The following BCAS3 variants were observed in gnomAD, a reference collection of about 807,000 sequenced individuals.
BCAS3 encodes the protein BCAS4/BCAS3 fusion.
In BCAS3, 53 loss-of-function variants were observed where a neutral mutation model predicts 116.1. The ratio of observed to expected loss-of-function variants is 0.46; its 90% CI spans 0.37 to 0.57. The LOEUF is 0.57. Ranked by LOEUF, BCAS3 falls within the 20% of genes least tolerant of loss-of-function variation. The pLI, the probability that BCAS3 is intolerant of heterozygous loss-of-function variation, is 0.00. For missense variants in BCAS3, 917 were observed against 1,165.4 expected, an observed-to-expected ratio of 0.79 and a Z score of 3.10; for synonymous variants, 391 against 408.2, an observed-to-expected ratio of 0.96 and a Z score of 0.51.
intron 19 of BCAS3, among the ~76,000 whole-genome samples, chr17:61,042,891 C>CAAAAAAAAAAA (rs35629825): frequency 8.8e-4 from 51 of 58,280 alleles, no homozygotes; most frequent in African/African-American, 2.4e-3. Context: ...CTCCATCTCA[C>CAAAAAAAAAAA]AAAAAAAAAA....
intron 6 of BCAS3, among the ~76,000 whole-genome samples, chr17:60,783,685 A>T (rs1043811044): frequency 3.3e-5 from 5 of 152,220 alleles, no homozygotes; most frequent in African/African-American, 1.2e-4. Context: ...TTCATAATAC[A>T]GTATTCCTCA....
intron 14 of BCAS3, among the ~76,000 whole-genome samples, chr17:60,983,465 C>T (rs1600215127): frequency 6.6e-6 from 1 of 152,074 alleles, no homozygotes; most frequent in Non-Finnish European, 1.5e-5. Context: ...ATTAAACTTT[C>T]CCTACTTATT....
At chr17:60,690,218 C>G (rs953988486) in intron 4 of BCAS3, among the ~76,000 whole-genome samples, 15 of 152,148 alleles carry the variant, frequency 9.9e-5, no homozygotes, top group African/African-American at 3.6e-4. Context: ...TTTCACTTAG[C>G]ATAGTGTCCT....
intron 19 of BCAS3, chr17:61,070,397 A>ATATATATATG (rs1218400832): frequency 1.1e-5 from 2 of 175,228 alleles, no homozygotes; most frequent in African/African-American, 2.7e-5. Context: ...ATATATATAT[A>ATATATATATG]TATCTTTTCA....
Position 61,074,974 on chromosome 17 carries a change from T to C in BCAS3, c.2084T>C (p.Leu695Ser). The C allele has an allele frequency of 1.9e-6, 3 of 1,613,768 alleles. No homozygotes were observed. The highest frequency in any genetic ancestry group is 1.1e-5 in the South Asian group (1 of 91,040). ...PITRHGSYDS[L>S]ASDHSGQEDE... ...ACTCGACATGGGTCTTACGACAGTT[T>C]AGCTTCTGACCATAGTGGACAGGAA... The change falls in exon 20 of 24, where the codon TTA (leucine) becomes TCA (serine). Residue 695 changes from leucine to serine, a missense_variant. Transcript: ENST00000407086.
chr17:60,937,620 T>A (rs2060003504), intron 13 of BCAS3, among the ~76,000 whole-genome samples: 1 of 152,222 alleles, frequency 6.6e-6, no homozygotes. Context: ...ATTCCTACAT[T>A]TCCATATTTA....
At chr17:60,804,001 C>T (rs2048049051) in intron 6 of BCAS3, among the ~76,000 whole-genome samples, 2 of 150,072 alleles carry the variant, frequency 1.3e-5, no homozygotes, top group South Asian at 4.3e-4. Context: ...CAGGGTTTCT[C>T]CATGTTGGTC....
At chr17:61,027,571 G>A (rs1177067485) in intron 16 of BCAS3, 4 of 261,022 alleles carry the variant, frequency 1.5e-5, no homozygotes, top group African/African-American at 2.3e-5. Flanking sequence ...AAAAGAATTC[G>A]AATATATTTA....
intron 7 of BCAS3, among the ~76,000 whole-genome samples, chr17:60,830,780 A>G (rs778057885): frequency 2.6e-5 from 4 of 151,816 alleles, no homozygotes; most frequent in African/African-American, 4.8e-5. Context: ...TCTTAAAAAT[A>G]AATTTTCTGG....
chr17:60,776,901 G>A (rs1353345597), intron 6 of BCAS3, among the ~76,000 whole-genome samples: 1 of 151,612 alleles, frequency 6.6e-6, no homozygotes, highest in East Asian at 1.9e-4. Flanking sequence ...TGTAATCCTA[G>A]CTACTCGGGA....
At chr17:60,873,979 C>T (rs978621565) in intron 8 of BCAS3, among the ~76,000 whole-genome samples, 5 of 150,504 alleles carry the variant, frequency 3.3e-5, no homozygotes, top group Admixed American at 1.3e-4. Context: ...GCTGGGATTA[C>T]GGGTGTGCAA....
rs2060099079 is a variant in BCAS3, at chr17:61,390,918, G to C, written c.2594-1059G>C. The C allele has an allele frequency of 6.6e-6, 1 of 152,304 alleles. No homozygotes were observed. Among genetic ancestry groups the C allele is most frequent in the Non-Finnish European group, 1.5e-5 (1 of 68,118 alleles). The allele number at this position is 152,304 out of a possible 1,614,324, so 9.4% of individuals were successfully genotyped here. Reference sequence around the variant, plus strand: ...GGCATCCCTTGGAGAAGGAAAGGTTGCAGGTCTACATATCTTGGCTTGGGG... The same window carrying C: ...GGCATCCCTTGGAGAAGGAAAGGTTCCAGGTCTACATATCTTGGCTTGGGG... On this transcript the variant is annotated intron_variant, in intron 23 of 23. Transcript: ENST00000407086. This position sits in a 1 kb window ranked among gnomAD's most constrained non-coding sequence, Gnocchi z 6.8.
intron 5 of BCAS3, among the ~76,000 whole-genome samples, chr17:60,732,864 C>T (rs984316348): frequency 2.0e-5 from 3 of 151,926 alleles, no homozygotes; most frequent in Non-Finnish European, 4.4e-5. Flanking sequence ...ATAAAAAAGA[C>T]CTGAGCACTG....
At chr17:60,760,082 G>A (rs183997073) in intron 6 of BCAS3, among the ~76,000 whole-genome samples, 69 of 152,304 alleles carry the variant, frequency 4.5e-4, no homozygotes, top group African/African-American at 1.4e-3. Flanking sequence ...TGTAGGCAAA[G>A]TGCATTTCTT....
intron 6 of BCAS3, among the ~76,000 whole-genome samples, chr17:60,801,605 C>T (rs73316790): frequency 0.047 from 7,092 of 152,030 alleles, 495 homozygotes; most frequent in African/African-American, 0.15. Flanking sequence ...GTGTGATGTT[C>T]GCTGAAAGAT....
In BCAS3 at chr17:61,198,094, T is replaced by G. The variant is rs1477070350; in HGVS notation, c.2425+113530T>G. ...CTGGCACATATGAGTACTTAGTGGA[T>G]GTTTGCTGATATGCGATTAAGATAA... On this transcript the variant is annotated intron_variant, in intron 22 of 23. Coordinates refer to ENST00000407086, the MANE Select transcript of BCAS3 (RefSeq NM_017679.5). This position sits in a 1 kb window ranked among gnomAD's most constrained non-coding sequence, Gnocchi z 5.0. 6.6e-6 allele frequency among the ~76,000 whole-genome samples: 1 copy of G among 152,128 alleles called. No individual in the cohort carries two copies. The highest frequency in any genetic ancestry group is 1.5e-5 in the Non-Finnish European group (1 of 68,036).
chr17:60,763,975 T>C (rs545397375), intron 6 of BCAS3, among the ~76,000 whole-genome samples: 78 of 152,354 alleles, frequency 5.1e-4, no homozygotes, highest in African/African-American at 1.7e-3. Context: ...TTTTCTAGTT[T>C]ATTTGCATAG....
At chr17:61,274,103 T>C (rs2050560108) in intron 22 of BCAS3, among the ~76,000 whole-genome samples, 1 of 150,582 alleles carries the variant, frequency 6.6e-6, no homozygotes. Flanking sequence ...ATGCTATCCC[T>C]CCCCACTCCC....
In BCAS3 at chr17:61,105,135, TTAA is replaced by T. The variant is rs1345251773; in HGVS notation, c.2425+20572_2425+20574del. Among the ~76,000 whole-genome samples the T allele has an allele frequency of 6.6e-6, 1 of 152,208 alleles. No homozygotes were observed. Among genetic ancestry groups the T allele is most frequent in the East Asian group, 1.9e-4 (1 of 5,196 alleles). ...GAATAAAAAGTGAATTGGGTGCTAT[TTAA>T]ATATTCTCTACTTACATTTATTGAA... On this transcript the variant is annotated intron_variant, in intron 22 of 23. Coordinates refer to ENST00000407086, the MANE Select transcript of BCAS3 (RefSeq NM_017679.5). This position sits in a 1 kb window ranked among gnomAD's most constrained non-coding sequence, Gnocchi z 4.3.
Sources: allele counts gnomAD v4.1 joint callset (sites outside exome capture counted in the v4.1 genomes callset), GRCh38; gene constraint gnomAD v4.1.1; non-coding constraint Gnocchi (gnomAD v3.1); transcripts MANE v1.5; gene names NCBI Gene and HGNC (gene_info 2026-07-23, HGNC 2026-07-21).